Variants in TRIM31 observed in about 807,000 individuals in gnomAD.
TRIM31 encodes the protein E3 ubiquitin-protein ligase TRIM31.
A neutral mutation model predicts 40.6 loss-of-function variants in TRIM31; 31 were observed. The observed-to-expected ratio is 0.76, with a 90% confidence interval of 0.57 to 1.03. The LOEUF (loss-of-function observed/expected upper bound fraction) is 1.03. TRIM31 is among the 50% of genes least tolerant of loss of function. The pLI is 0.00. For synonymous variants in TRIM31, 164 were observed against 193.9 expected (o/e 0.85, Z 1.28); for missense variants, 455 against 497.5 (o/e 0.91, Z 0.81).
At chr6:30,111,987 G>C (rs1340935502) in intron 2 of TRIM31, 4 of 570,376 alleles carry the variant, frequency 7.0e-6, no homozygotes, top group Non-Finnish European at 1.2e-5. Context: ...ATGGTGCTTT[G>C]GAATTATCAA....
rs367966862 is a variant in TRIM31, at chr6:30,112,304, C to T, written c.417+85G>A. The T allele has an allele frequency of 2.8e-4, 424 of 1,503,164 alleles. 37 individuals carry two copies. Among genetic ancestry groups the T allele is most frequent in the East Asian group, 2.0e-3 (87 of 44,322 alleles). The allele number at this position is 1,503,164 out of a possible 1,614,324, so 93.1% of individuals were successfully genotyped here. Reference sequence around the variant, plus strand: ...AGGGGTGGGGGCAATGGGGTGCAAACCCTCAGTGGGAAGGTAGCAGTTTCC... The same window carrying T: ...AGGGGTGGGGGCAATGGGGTGCAAATCCTCAGTGGGAAGGTAGCAGTTTCC... On this transcript the variant is annotated intron_variant, in intron 2 of 8. Coordinates refer to ENST00000376734, the MANE Select transcript of TRIM31 (RefSeq NM_007028.5).
chr6:30,106,238 G>A (rs1172013338), intron 6 of TRIM31, among the ~76,000 whole-genome samples: 1 of 152,214 alleles, frequency 6.6e-6, no homozygotes, highest in Non-Finnish European at 1.5e-5. Context: ...CTAGGTAGTG[G>A]GACAAGCGTG....
chr6:30,112,388 C>T lies in TRIM31; in HGVS notation c.417+1G>A, dbSNP rs1363606243. Reference sequence around the variant, plus strand: ...ACAGGGAAGAAACCTCAAATGCCTACCTGATAATTCTGGGCAGCTTCTTCG... The same window carrying T: ...ACAGGGAAGAAACCTCAAATGCCTATCTGATAATTCTGGGCAGCTTCTTCG... On this transcript the variant is annotated splice_donor_variant, in intron 2 of 8. Coordinates refer to ENST00000376734, the MANE Select transcript of TRIM31 (RefSeq NM_007028.5). LOFTEE classifies it high-confidence loss of function. 1.2e-6 allele frequency: 2 copies of T among 1,605,908 alleles called. No homozygotes were observed. Among genetic ancestry groups the T allele is most frequent in the Non-Finnish European group, 1.7e-6 (2 of 1,176,536 alleles).
intron 4 of TRIM31, among the ~76,000 whole-genome samples, chr6:30,110,241 CAT>C (rs1769158520): frequency 6.6e-6 from 1 of 152,222 alleles, no homozygotes; most frequent in Non-Finnish European, 1.5e-5. Context: ...CTAAATCACA[CAT>C]GTGGCCAGAA....
At chr6:30,111,794 C>T in intron 2 of TRIM31, 51 bp from the exon 3 acceptor site, 1 of 1,562,892 alleles carries the variant, frequency 6.4e-7, no homozygotes, top group East Asian at 2.2e-5. Context: ...TTTCTGGCCT[C>T]ATAAAATCCT....
chr6:30,110,691 G>A lies in TRIM31; in HGVS notation c.514-13C>T, dbSNP rs771433209. On this transcript the variant is annotated splice_polypyrimidine_tract_variant and intron_variant, in intron 3 of 8. Coordinates refer to ENST00000376734, the MANE Select transcript of TRIM31 (RefSeq NM_007028.5). ...GTTCTACCTGGTCCTAAGAAACAGG[G>A]ACAGGCAGAGGGTGAGAGGATGGCC... 5.0e-6 allele frequency: 8 copies of A among 1,612,514 alleles called. No individual in the cohort carries two copies. The East Asian group carries it at 1.3e-4, about 27-fold the overall frequency.
chr6:30,109,074 G>A, intron 4 of TRIM31, 26 bp from the exon 5 acceptor site: 1 of 1,612,760 alleles, frequency 6.2e-7, no homozygotes, highest in Non-Finnish European at 8.5e-7. Context: ...AAACAGCACA[G>A]CCTCAGCACT....
chr6:30,109,069 G>C, intron 4 of TRIM31, 21 bp from the exon 5 acceptor site: 1 of 1,612,850 alleles, frequency 6.2e-7, no homozygotes, highest in Non-Finnish European at 8.5e-7. Context: ...AAGAGAAACA[G>C]CACAGCCTCA....
Position 30,104,119 on chromosome 6 carries a change from G to A in TRIM31, c.1007C>T (p.Pro336Leu). ...ACTCTTACCTGCAGAAGATGACCCG[G>A]GCTCTGAGGTTTTGTTCATTTTATG... is the stretch of plus-strand genomic sequence containing the variant. ...NNHKMNKTSE[P>L]GSSSAGGRTT... is the part of the protein sequence containing the mutation. Residue 336 changes from proline (P) to leucine (L), a missense_variant, in exon 8 of 9, where the codon CCC (proline) becomes CTC (leucine). Coordinates refer to ENST00000376734, the MANE Select transcript of TRIM31 (RefSeq NM_007028.5). 3 of 1,612,972 alleles carry A rather than the reference G, an allele frequency of 1.9e-6. No individual in the cohort carries two copies. In the African/African-American group the frequency reaches 4.0e-5, roughly 22 times the overall value.
rs774533128 is a variant in TRIM31, at chr6:30,103,470, A to C, written c.*66T>G. ...GAACCGTGGTCGGTCTCAGCCACTC[A>C]CTCAGCGCCACTCTATGCTCCGAAG... On this transcript the variant is annotated 3_prime_UTR_variant, in exon 9 of 9. Transcript: ENST00000376734. The C allele has an allele frequency of 7.5e-6, 12 of 1,594,452 alleles. No homozygotes were observed. Among genetic ancestry groups the C allele is most frequent in the African/African-American group, 1.4e-5 (1 of 73,958 alleles).
At chr6:30,111,574 T>C in intron 3 of TRIM31, 74 bp downstream of exon 3, 2 of 1,453,850 alleles carry the variant, frequency 1.4e-6, no homozygotes, top group African/African-American at 1.4e-5. Context: ...GAGGGGTCAG[T>C]GTAATAGGGG....
chr6:30,111,751 A>C lies in TRIM31; in HGVS notation c.418-8T>G. On this transcript the variant is annotated splice_polypyrimidine_tract_variant and splice_region_variant and intron_variant, in intron 2 of 8. Transcript: ENST00000376734. ...CTGCTCTTGAATCTGCCCCTGCGGA[A>C]AGAGGGCCGTTTGGACAGGCTGTGC... is the stretch of plus-strand genomic sequence containing the variant. 1 of 1,614,148 alleles carries C rather than the reference A, an allele frequency of 6.2e-7. No homozygotes were observed. Among genetic ancestry groups the C allele is most frequent in the Non-Finnish European group, 8.5e-7 (1 of 1,179,990 alleles).
chr6:30,105,650 T>C (rs1490973781), intron 6 of TRIM31: 1 of 154,622 alleles, frequency 6.5e-6, no homozygotes, highest in Non-Finnish European at 1.4e-5. Flanking sequence ...CAGTCTCTTT[T>C]TACACTCAAT....
intron 6 of TRIM31, chr6:30,107,813 G>A: frequency 2.2e-6 from 1 of 462,106 alleles, no homozygotes; most frequent in Non-Finnish European, 3.9e-6. Context: ...ATAGGTCCAG[G>A]CCCTCTATGG....
Position 30,110,190 on chromosome 6 carries a change from T to C in TRIM31, c.744+258A>G, listed in dbSNP as rs4959041. 0.29 allele frequency among the ~76,000 whole-genome samples: 44,253 copies of C among 152,092 alleles called. 6,634 individuals are homozygous for C. The highest frequency in any genetic ancestry group is 0.32 in the Admixed American group (4,894 of 15,296). ...CTTTTATCATTTTAATGTGACTAACTAGAAAAATTTGTAATTCCATATGTG... is the reference window on the plus strand; with the variant it reads ...CTTTTATCATTTTAATGTGACTAACCAGAAAAATTTGTAATTCCATATGTG... On this transcript the variant is annotated intron_variant, in intron 4 of 8. Coordinates refer to ENST00000376734, the MANE Select transcript of TRIM31 (RefSeq NM_007028.5).
At position 30,105,526 on chromosome 6, in the gene TRIM31, A is replaced by C. The variant is rs114313544; in HGVS notation, c.884-284T>G. ...TATTTTTAAATTTTCTAGTAGTCAC[A>C]TTTAAAAAGTAGAAAGAAACTAGTA... On this transcript the variant is annotated intron_variant, in intron 6 of 8. Coordinates refer to ENST00000376734, the MANE Select transcript of TRIM31 (RefSeq NM_007028.5). 8,688 of 247,548 alleles carry C rather than the reference A, an allele frequency of 0.035. 228 individuals are homozygous for C. The highest frequency in any genetic ancestry group is 0.07 in the East Asian group (941 of 13,510). 15.3% of individuals were successfully genotyped at this position (247,548 alleles called of 1,614,324 possible). A position where few individuals can be genotyped will look rare whatever the true frequency, so the allele number is the denominator to read the frequency against.
At position 30,109,048 on chromosome 6, in the gene TRIM31, C is replaced by A; in HGVS notation, c.745G>T (p.Asp249Tyr). 6.2e-7 allele frequency: 1 copy of A among 1,612,940 alleles called. No individual in the cohort carries two copies. Among genetic ancestry groups the A allele is most frequent in the South Asian group, 1.1e-5 (1 of 91,076 alleles). Residue 249 changes from aspartate (D) to tyrosine (Y), a missense_variant and splice_region_variant, in exon 5 of 9, where the codon GAT becomes TAT. By Grantham distance (160) the Asp-to-Tyr change is radical (BLOSUM62 -3). Coordinates refer to ENST00000376734, the MANE Select transcript of TRIM31 (RefSeq NM_007028.5). ...TACCTGCACAAGACGACTTTGATAT[C>A]CTAGAAGAGAAAGAGAAACAGCACA... ...QNMPPRQLLE[D>Y]IKVVLCRSEE... is the part of the protein sequence containing the mutation.
At position 30,112,707 on chromosome 6, in the gene TRIM31, G is replaced by A. The variant is rs1354343037; in HGVS notation, c.99C>T (p.His33=). 2 of 1,612,982 alleles carry A rather than the reference G, an allele frequency of 1.2e-6. No homozygotes were observed. The highest frequency in any genetic ancestry group is 1.3e-5 in the African/African-American group (1 of 74,938). The part of the protein sequence containing the change: ...LQKPVTIDCG[H]NFCLKCITQI... ...GAGTGATGCATTTGAGGCAGAAATTGTGCCCACAGTCGATGGTGACAGGTT... is the reference window on the plus strand; with the variant it reads ...GAGTGATGCATTTGAGGCAGAAATTATGCCCACAGTCGATGGTGACAGGTT... Residue 33 remains histidine, a synonymous_variant, in exon 2 of 9, where the codon CAC becomes CAT. Transcript: ENST00000376734.
At chr6:30,104,228 CA>C (rs992713350) in intron 7 of TRIM31, 61 bp from the exon 8 acceptor site, 2 of 1,514,158 alleles carry the variant, frequency 1.3e-6, no homozygotes, top group African/African-American at 2.8e-5. Flanking sequence ...AAATTAAAAA[CA>C]AAAACAAGCA....
Sources: gnomAD v4.1 joint callset for allele counts (sites outside exome capture counted in the v4.1 genomes callset) on GRCh38, gnomAD v4.1.1 for gene constraint, MANE v1.5 for transcripts, NCBI Gene and HGNC (gene_info 2026-07-23, HGNC 2026-07-21) for gene names.